QTMAN: variants seen among roughly 807,000 people sequenced by gnomAD.
QTMAN encodes the protein queuosine-tRNA mannosyltransferase.
the QTMAN span, among the ~76,000 whole-genome samples, chr2:144,034,101 A>T: frequency 6.6e-6 from 1 of 152,158 alleles, no homozygotes; most frequent in Non-Finnish European, 1.5e-5. Context: ...ACTAGGGTGA[A>T]TGGGTGTAAG....
the QTMAN span, among the ~76,000 whole-genome samples, chr2:144,215,509 T>C: frequency 1.3e-5 from 2 of 152,110 alleles, no homozygotes; most frequent in Non-Finnish European, 2.9e-5. Flanking sequence ...AAAAGTTCAA[T>C]ATATTATTGT....
At chr2:144,227,752 AT>A in the QTMAN span, among the ~76,000 whole-genome samples, 4 of 152,232 alleles carry the variant, frequency 2.6e-5, no homozygotes, top group Non-Finnish European at 5.9e-5. Flanking sequence ...CTAACTGTAC[AT>A]AGGAATTAAG....
the QTMAN span, among the ~76,000 whole-genome samples, chr2:144,283,975 T>C: frequency 1.3e-5 from 2 of 151,996 alleles, no homozygotes; most frequent in African/African-American, 2.4e-5. Context: ...GTCCCTAACA[T>C]ATAGAAAGTC....
At chr2:144,317,018 A>G in the QTMAN span, among the ~76,000 whole-genome samples, 1 of 152,192 alleles carries the variant, frequency 6.6e-6, no homozygotes, top group African/African-American at 2.4e-5. Context: ...AATGTCTGGC[A>G]TACTGGAGAC....
At chr2:144,262,431 G>A in the QTMAN span, among the ~76,000 whole-genome samples, 3 of 151,730 alleles carry the variant, frequency 2.0e-5, no homozygotes, top group Admixed American at 6.6e-5. Context: ...TAAGCTGGGG[G>A]TGATGGGTCA....
chr2:144,215,311 C>T, the QTMAN span, among the ~76,000 whole-genome samples: 411 of 141,796 alleles, frequency 2.9e-3, 4 homozygotes, highest in East Asian at 0.024. Flanking sequence ...TATATATATA[C>T]ACACACACAC....
the QTMAN span, among the ~76,000 whole-genome samples, chr2:144,002,065 G>A: frequency 6.6e-6 from 1 of 151,868 alleles, no homozygotes; most frequent in East Asian, 1.9e-4. Context: ...TGTTGACATA[G>A]GCCCTGATAG....
At chr2:144,096,741 G>A in the QTMAN span, among the ~76,000 whole-genome samples, 1 of 152,222 alleles carries the variant, frequency 6.6e-6, no homozygotes, top group Non-Finnish European at 1.5e-5. Context: ...CAGAAAATGA[G>A]TTTACATTGT....
the QTMAN span, among the ~76,000 whole-genome samples, chr2:144,207,914 G>C: frequency 2.0e-5 from 3 of 151,942 alleles, no homozygotes; most frequent in Admixed American, 6.6e-5. Context: ...CTGGAGTGCA[G>C]TGGCTGGCTC....
At chr2:144,257,164 C>G in the QTMAN span, among the ~76,000 whole-genome samples, 1 of 149,490 alleles carries the variant, frequency 6.7e-6, no homozygotes, top group East Asian at 2.0e-4. Flanking sequence ...CCACAAACCA[C>G]AAACTATTTT....
At chr2:144,041,324 TAAGAAATGGCG>T in the QTMAN span, among the ~76,000 whole-genome samples, 1 of 152,202 alleles carries the variant, frequency 6.6e-6, no homozygotes. Context: ...CAAAATATTT[TAAGAAATGGCG>T]TCATCACTGA....
At chr2:144,145,194 A>G in the QTMAN span, among the ~76,000 whole-genome samples, 1 of 151,352 alleles carries the variant, frequency 6.6e-6, no homozygotes, top group Non-Finnish European at 1.5e-5. Context: ...GTAAAACTCT[A>G]TTTTGATTTT....
At chr2:144,141,864 A>G in the QTMAN span, 1 of 1,557,108 alleles carries the variant, frequency 6.4e-7, no homozygotes, top group East Asian at 2.3e-5. Flanking sequence ...TATTGAGAAC[A>G]GAGTCAAACA....
At chr2:143,973,097 T>C in the QTMAN span, among the ~76,000 whole-genome samples, 1 of 152,210 alleles carries the variant, frequency 6.6e-6, no homozygotes, top group Admixed American at 6.5e-5. Flanking sequence ...AGTTAAGTGG[T>C]TACTGGAGAT....
At chr2:144,186,518 T>C in the QTMAN span, among the ~76,000 whole-genome samples, 2 of 152,174 alleles carry the variant, frequency 1.3e-5, no homozygotes, top group Admixed American at 1.3e-4. Flanking sequence ...GTATGTGGGT[T>C]TTATTTTCGT....
At chr2:144,133,116 AATATAT>A in the QTMAN span, among the ~76,000 whole-genome samples, 2,846 of 41,218 alleles carry the variant, frequency 0.069, 127 homozygotes, top group Admixed American at 0.13. Flanking sequence ...AATGACTGGT[AATATAT>A]ATATATATAT....
chr2:144,275,065 G>T, the QTMAN span, among the ~76,000 whole-genome samples: 15 of 152,106 alleles, frequency 9.9e-5, no homozygotes, highest in Non-Finnish European at 2.2e-4. Context: ...AAAAAAGTTT[G>T]TTTTTTCCTT....
chr2:144,073,926 G>A, the QTMAN span, among the ~76,000 whole-genome samples: 1 of 152,136 alleles, frequency 6.6e-6, no homozygotes, highest in African/African-American at 2.4e-5. Flanking sequence ...CTACAAATGA[G>A]GAGGCTGAAG....
At chr2:144,146,481 A>C in the QTMAN span, among the ~76,000 whole-genome samples, 3 of 151,590 alleles carry the variant, frequency 2.0e-5, no homozygotes, top group African/African-American at 7.3e-5. Flanking sequence ...AAAAGTGTCA[A>C]TTTACTCTCT....
Sources: gnomAD v4.1 joint callset for allele counts (sites outside exome capture counted in the v4.1 genomes callset) on GRCh38, gnomAD v4.1.1 for gene constraint, MANE v1.5 for transcripts, NCBI Gene and HGNC (gene_info 2026-07-23, HGNC 2026-07-21) for gene names.